TCAF1: variants seen among roughly 807,000 people sequenced by gnomAD.
TCAF1 encodes TRPM8 channel-associated factor 1.
Under a neutral mutation model 27.3 loss-of-function variants are expected in TCAF1, and 4 were observed. That is an observed-to-expected ratio of 0.15 (90% CI 0.07 to 0.34). The LOEUF (loss-of-function observed/expected upper bound fraction) is 0.34, where lower values mean the gene tolerates loss of function less well. Ranked by LOEUF, TCAF1 falls within the 10% of genes least tolerant of loss-of-function variation. The pLI, the probability that TCAF1 is intolerant of heterozygous loss-of-function variation, is 1.00. For missense variants in TCAF1, 257 were observed against 425.8 expected (o/e 0.60, Z 3.49); for synonymous variants, 105 against 167.1 (o/e 0.63, Z 2.87).
intron 1 of TCAF1, among the ~76,000 whole-genome samples, chr7:143,890,224 G>C (rs1299101684): frequency 6.6e-6 from 1 of 151,712 alleles, no homozygotes; most frequent in Non-Finnish European, 1.5e-5. Flanking sequence ...GGATGGTCTC[G>C]ATTTCCTGAC....
Position 143,876,603 on chromosome 7 carries a change from C to T in TCAF1, c.6G>A (p.Ala2=), listed in dbSNP as rs368952890. 5.7e-5 allele frequency: 86 copies of T among 1,503,804 alleles called. 1 individual carries two copies. The highest frequency in any genetic ancestry group is 2.6e-4 in the South Asian group (18 of 68,416). The allele number at this position is 1,503,804 out of a possible 1,614,324, so 93.2% of individuals were successfully genotyped here. A position where few individuals can be genotyped will look rare whatever the true frequency, so the allele number is the denominator to read the frequency against. The change falls in exon 2 of 9, where the codon GCG becomes GCA. Residue 2 remains alanine, a synonymous_variant. Transcript: ENST00000479870. ...GGGCCTCGAAGGCAGCAGAGGGAGTCGCCATGGCTCTATTGGTTTCTGCAG... is the reference window on the plus strand; with the variant it reads ...GGGCCTCGAAGGCAGCAGAGGGAGTTGCCATGGCTCTATTGGTTTCTGCAG... The part of the protein sequence containing the change: M[A]TPSAAFEALM...
Position 143,892,959 on chromosome 7 carries a change from G to A in TCAF1, c.-15+9002C>T, listed in dbSNP as rs73725419. Among the ~76,000 whole-genome samples, 1,382 of 152,164 alleles carry A rather than the reference G, an allele frequency of 9.1e-3. 25 individuals carry two copies. Among genetic ancestry groups the A allele is most frequent in the African/African-American group, 0.031 (1,295 of 41,496 alleles). On this transcript the variant is annotated intron_variant, in intron 1 of 8. Transcript: ENST00000479870. ...ACCAGTCTATCACATTTGTGTCACA[G>A]CAGCCCAAAACAACTAAGATACCAA... is the stretch of plus-strand genomic sequence containing the variant.
At chr7:143,882,604 A>G in intron 1 of TCAF1, 1 of 985,298 alleles carries the variant, frequency 1.0e-6, no homozygotes, top group Non-Finnish European at 1.2e-6. Context: ...ACCCAGACCC[A>G]CGGCGCACCC....
intron 1 of TCAF1, among the ~76,000 whole-genome samples, chr7:143,888,926 A>T (rs2116844519): frequency 6.6e-6 from 1 of 152,322 alleles, no homozygotes; most frequent in Admixed American, 6.5e-5. Flanking sequence ...CATTTGAAAA[A>T]TAAAATAGAA....
intron 1 of TCAF1, among the ~76,000 whole-genome samples, chr7:143,880,388 C>T (rs1812949848): frequency 6.6e-6 from 1 of 152,052 alleles, no homozygotes; most frequent in Non-Finnish European, 1.5e-5. Context: ...TCTTAAGCAC[C>T]AGGAATACAT....
Position 143,886,866 on chromosome 7 carries a change from A to AT in TCAF1, c.-14-10245dup, listed in dbSNP as rs56317170. Among the ~76,000 whole-genome samples the AT allele has an allele frequency of 4.1e-3, 474 of 114,886 alleles. 3 individuals carry two copies. The highest frequency in any genetic ancestry group is 0.023 in the Middle Eastern group (5 of 214). The allele number at this position is 114,886 out of a possible 152,430, so 75.4% of individuals were successfully genotyped here. On this transcript the variant is annotated intron_variant, in intron 1 of 8. Transcript: ENST00000479870. ...GCCATCATGCCCAGGGAGTTTTTGT[A>AT]TTTTTTTTTTTTTTTTTTTCTGTAG...
At position 143,897,131 on chromosome 7, in the gene TCAF1, AATATATATATATATATATATATAT is replaced by A. The variant is rs5888117; in HGVS notation, c.-15+4806_-15+4829del. ...AAACAGTTTTATTTTGTTAATCTTGAATATATATATATATATATATATATATATATATATATATATATATATTCA... is the reference window on the plus strand; with the variant it reads ...AAACAGTTTTATTTTGTTAATCTTGAATATATATATATATATATATATTCA... On this transcript the variant is annotated intron_variant, in intron 1 of 8. Transcript: ENST00000479870. Among the ~76,000 whole-genome samples, 377 of 80,364 alleles carry A rather than the reference AATATATATATATATATATATATAT, an allele frequency of 4.7e-3. 7 individuals are homozygous for A. Among genetic ancestry groups the A allele is most frequent in the African/African-American group, 0.011 (263 of 25,010 alleles). 52.7% of individuals were successfully genotyped at this position (80,364 alleles called of 152,430 possible). A position where few individuals can be genotyped will look rare whatever the true frequency, so the allele number is the denominator to read the frequency against.
chr7:143,876,984 C>G (rs1812753437), intron 1 of TCAF1, among the ~76,000 whole-genome samples: 1 of 152,148 alleles, frequency 6.6e-6, no homozygotes, highest in Non-Finnish European at 1.5e-5. Context: ...AAGATGAGGT[C>G]ATATGTGATT....
At chr7:143,898,461 T>C (rs531570505) in intron 1 of TCAF1, among the ~76,000 whole-genome samples, 54 of 152,302 alleles carry the variant, frequency 3.5e-4, no homozygotes, top group Admixed American at 9.8e-4. Flanking sequence ...AAGCTACAGG[T>C]AAATTTAGAA....
intron 7 of TCAF1, 83 bp from the exon 8 acceptor site, chr7:143,857,433 A>AT: frequency 7.1e-7 from 1 of 1,416,122 alleles, no homozygotes; most frequent in Non-Finnish European, 9.9e-7. Flanking sequence ...TGAACTTAGT[A>AT]TATGTAACCC....
intron 1 of TCAF1, among the ~76,000 whole-genome samples, chr7:143,891,992 A>G (rs754137743): frequency 1.1e-4 from 17 of 152,224 alleles, no homozygotes; most frequent in Non-Finnish European, 2.2e-4. Context: ...AAAATCTGCC[A>G]ACCTAAAATT....
intron 1 of TCAF1, chr7:143,885,661 A>AGTAG: frequency 3.5e-5 from 21 of 600,390 alleles, no homozygotes; most frequent in Non-Finnish European, 4.4e-5. Flanking sequence ...TACTTATATA[A>AGTAG]ATCTACTTAT....
chr7:143,894,455 C>G lies in TCAF1; in HGVS notation c.-15+7506G>C, dbSNP rs1344524018. On this transcript the variant is annotated intron_variant, in intron 1 of 8. Coordinates refer to ENST00000479870, the MANE Select transcript of TCAF1 (RefSeq NM_014719.3). ...GAATATTACTCAATGAACATAGATT[C>G]AAAAAGTCTAATGGTGTGAAATGCC... Among the ~76,000 whole-genome samples, 3 of 151,808 alleles carry G rather than the reference C, an allele frequency of 2.0e-5. No homozygotes were observed. In the East Asian group the frequency reaches 5.8e-4, roughly 29 times the overall value.
At position 143,876,225 on chromosome 7, in the gene TCAF1, A is replaced by T; in HGVS notation, c.384T>A (p.Asp128Glu). Residue 128 changes from aspartate to glutamate, a missense_variant, in exon 2 of 9, where the codon GAT becomes GAA. Asp to Glu is a conservative substitution (Grantham distance 45, BLOSUM62 2). Transcript: ENST00000479870. The stretch of plus-strand genomic sequence containing the variant: ...TTTCTGTCATGGTTTCATTGTAGGC[A>T]TCAATACAGTAAACCCCCAGGGAGT... ...VKDSLGVYCI[D>E]AYNETMTEKL... 6.2e-7 allele frequency: 1 copy of T among 1,614,202 alleles called. No homozygotes were observed. The highest frequency in any genetic ancestry group is 8.5e-7 in the Non-Finnish European group (1 of 1,180,036).
chr7:143,859,955 ACGG>A (rs1309461649), intron 6 of TCAF1, among the ~76,000 whole-genome samples: 6 of 34,562 alleles, frequency 1.7e-4, no homozygotes, highest in Non-Finnish European at 2.9e-4. Context: ...AATATATATT[ACGG>A]AATATATATT....
At chr7:143,891,834 C>T (rs1399940801) in intron 1 of TCAF1, among the ~76,000 whole-genome samples, 1 of 152,114 alleles carries the variant, frequency 6.6e-6, no homozygotes, top group Non-Finnish European at 1.5e-5. Context: ...ATTCAAACTG[C>T]TGAAAACCAA....
intron 1 of TCAF1, among the ~76,000 whole-genome samples, chr7:143,889,711 G>T (rs1411501995): frequency 2.0e-5 from 3 of 152,170 alleles, no homozygotes; most frequent in Non-Finnish European, 4.4e-5. Flanking sequence ...GATGCTCAAG[G>T]TGTTTTGCTT....
rs376803890 is a variant in TCAF1, at chr7:143,876,531, T to C, written c.78A>G (p.Pro26=). 3.2e-6 allele frequency: 5 copies of C among 1,555,376 alleles called. No individual in the cohort carries two copies. In the African/African-American group the frequency reaches 4.1e-5, roughly 13 times the overall value. The change falls in exon 2 of 9, where the codon CCA becomes CCG. Residue 26 remains proline (P), a synonymous_variant. Transcript: ENST00000479870. ...TSWDVPEDAV[P]CELLLIGEAS... ...CCTCTCCAATAAGAAGCAGTTCACA[T>C]GGAACAGCATCTTCGGGTACATCCC...
intron 1 of TCAF1, among the ~76,000 whole-genome samples, chr7:143,900,577 C>T (rs1417360574): frequency 6.6e-6 from 1 of 152,118 alleles, no homozygotes; most frequent in East Asian, 1.9e-4. Flanking sequence ...ATTGTTGATA[C>T]AGCTTGTGAG....
Sources: allele counts gnomAD v4.1 joint callset (sites outside exome capture counted in the v4.1 genomes callset), GRCh38; gene constraint gnomAD v4.1.1; transcripts MANE v1.5; gene names NCBI Gene and HGNC (gene_info 2026-07-23, HGNC 2026-07-21).